EFCAB5: variants seen among roughly 807,000 people sequenced by gnomAD.
EFCAB5 encodes the protein EF-hand calcium-binding domain-containing protein 5.
EFCAB5 carries 131 observed loss-of-function variants against 167.9 expected under a neutral mutation model. That is an observed-to-expected ratio of 0.78 (90% CI 0.68 to 0.90). The LOEUF is 0.90. Among genes scored for constraint, EFCAB5 ranks in the 40% least tolerant of loss-of-function variants. The pLI is 0.00. For synonymous variants in EFCAB5, 574 were observed against 602.8 expected, an observed-to-expected ratio of 0.95 and a Z score of 0.70; for missense variants, 1,663 against 1,745.2, an observed-to-expected ratio of 0.95 and a Z score of 0.84.
chr17:29,972,957 A>C (rs1490127404), intron 4 of EFCAB5: 10 of 153,564 alleles, frequency 6.5e-5, no homozygotes, highest in African/African-American at 9.6e-5. Context: ...AACATCATTC[A>C]CACCAGCTAT....
At chr17:30,087,227 C>T in intron 19 of EFCAB5, 61 bp downstream of exon 19, 1 of 1,375,538 alleles carries the variant, frequency 7.3e-7, no homozygotes, top group Non-Finnish European at 1.0e-6. Context: ...CAATAGTAGA[C>T]CTGAAAGACA....
intron 7 of EFCAB5, among the ~76,000 whole-genome samples, chr17:30,028,143 G>A (rs1942411179): frequency 6.6e-6 from 1 of 152,154 alleles, no homozygotes; most frequent in Admixed American, 6.5e-5. Context: ...TTCTTGCTCA[G>A]TGGTGGTCCA....
chr17:30,070,949 CAAAAAAAAA>C (rs35019863), intron 14 of EFCAB5, among the ~76,000 whole-genome samples: 58 of 60,182 alleles, frequency 9.6e-4, no homozygotes, highest in South Asian at 4.3e-3. Flanking sequence ...GATTCCATCT[CAAAAAAAAA>C]AAAAAAAAAA....
At chr17:30,097,036 ACATATACATATACATATATATATATTTT>A (rs2071308767) in intron 22 of EFCAB5, among the ~76,000 whole-genome samples, 1 of 108,116 alleles carries the variant, frequency 9.2e-6, no homozygotes, top group African/African-American at 5.0e-5. Context: ...ATATACATAT[ACATATACATATACATATATATATATTTT>A]TTTTTTTTTG....
chr17:30,021,154 G>A (rs930325983), intron 7 of EFCAB5, among the ~76,000 whole-genome samples: 3 of 150,664 alleles, frequency 2.0e-5, no homozygotes, highest in Non-Finnish European at 4.4e-5. Flanking sequence ...TTTTTTACTA[G>A]GATGTGAGGA....
Position 30,067,995 on chromosome 17 carries a change from G to C in EFCAB5, c.2737+8294G>C, listed in dbSNP as rs542222226. Among the ~76,000 whole-genome samples, 6 of 152,268 alleles carry C rather than the reference G, an allele frequency of 3.9e-5. No individual in the cohort carries two copies. The South Asian group carries it at 1.2e-3, about 32-fold the overall frequency. ...ATAAACGAATTCAGTAAAGTTGCAG[G>C]ATACAAAATCAACATATAAAAATCA... is the stretch of plus-strand genomic sequence containing the variant. On this transcript the variant is annotated intron_variant, in intron 14 of 22. Coordinates refer to ENST00000394835, the MANE Select transcript of EFCAB5 (RefSeq NM_198529.4).
Position 30,059,533 on chromosome 17 carries a change from T to C in EFCAB5, c.2581-12T>C. On this transcript the variant is annotated splice_polypyrimidine_tract_variant and intron_variant, in intron 13 of 22. Transcript: ENST00000394835. ...ATATCTTCCGTGCTTTATTATCCTG[T>C]TTGTATCCTAGTTTAGCCAAAATGC... 2 of 1,596,928 alleles carry C rather than the reference T, an allele frequency of 1.3e-6. No individual in the cohort carries two copies. Among genetic ancestry groups the C allele is most frequent in the Non-Finnish European group, 1.7e-6 (2 of 1,171,572 alleles).
intron 8 of EFCAB5, among the ~76,000 whole-genome samples, chr17:30,037,779 A>G (rs1424505487): frequency 1.3e-5 from 2 of 152,210 alleles, no homozygotes; most frequent in Admixed American, 1.3e-4. Context: ...AAATTAAAAA[A>G]TACACATGCA....
chr17:30,051,768 A>T (rs909595008), intron 9 of EFCAB5, among the ~76,000 whole-genome samples: 14 of 152,114 alleles, frequency 9.2e-5, no homozygotes, highest in South Asian at 4.1e-4. Flanking sequence ...CCTGTTGCCA[A>T]GGATAGTCTC....
chr17:30,069,406 G>T, intron 14 of EFCAB5: 2 of 1,534,958 alleles, frequency 1.3e-6, no homozygotes, highest in Non-Finnish European at 9.0e-7. Context: ...AAGGGAGAGT[G>T]GTTGAGATTT....
chr17:30,040,060 T>A (rs2069728443), intron 8 of EFCAB5, among the ~76,000 whole-genome samples: 1 of 152,224 alleles, frequency 6.6e-6, no homozygotes, highest in Admixed American at 6.5e-5. Flanking sequence ...ACTGTTATGC[T>A]TGTGTGCACA....
intron 8 of EFCAB5, among the ~76,000 whole-genome samples, chr17:30,042,767 G>A (rs2069810041): frequency 6.6e-6 from 1 of 152,046 alleles, no homozygotes; most frequent in Non-Finnish European, 1.5e-5. Flanking sequence ...AGAAGAGGAA[G>A]GAACACTTCC....
At chr17:29,994,752 A>G (rs752044364) in intron 5 of EFCAB5, among the ~76,000 whole-genome samples, 2 of 152,098 alleles carry the variant, frequency 1.3e-5, no homozygotes, top group Admixed American at 6.6e-5. Context: ...CTCAAATACT[A>G]TCTTGGTGCA....
intron 14 of EFCAB5, among the ~76,000 whole-genome samples, chr17:30,071,388 G>T (rs961766625): frequency 6.7e-6 from 1 of 149,970 alleles, no homozygotes; most frequent in Non-Finnish European, 1.5e-5. Context: ...ATGGCCAACA[G>T]GTATTTGAAA....
chr17:29,951,103 C>G (rs1170978731), intron 3 of EFCAB5, among the ~76,000 whole-genome samples: 2 of 149,938 alleles, frequency 1.3e-5, no homozygotes, highest in African/African-American at 2.5e-5. Flanking sequence ...ATTATACTAC[C>G]CTCTTTACTT....
intron 22 of EFCAB5, among the ~76,000 whole-genome samples, chr17:30,099,356 A>G (rs1006647251): frequency 4.6e-5 from 7 of 152,144 alleles, no homozygotes; most frequent in Non-Finnish European, 1.0e-4. Context: ...AGCTGAGCCC[A>G]GTTAAGGCTG....
At chr17:30,040,227 CAGGTCAGCCCCCA>C (rs1035340166) in intron 8 of EFCAB5, among the ~76,000 whole-genome samples, 7 of 152,212 alleles carry the variant, frequency 4.6e-5, no homozygotes, top group African/African-American at 1.4e-4. Flanking sequence ...CAACATCCTG[CAGGTCAGCCCCCA>C]AGGGCCATCC....
chr17:29,937,298 T>A (rs889943187), upstream of EFCAB5, among the ~76,000 whole-genome samples: 1 of 152,130 alleles, frequency 6.6e-6, no homozygotes, highest in Non-Finnish European at 1.5e-5. Flanking sequence ...GTGATTCTCC[T>A]ACCTCAGCCT....
chr17:30,011,505 T>G (rs2068900824), intron 7 of EFCAB5, among the ~76,000 whole-genome samples: 1 of 152,222 alleles, frequency 6.6e-6, no homozygotes, highest in African/African-American at 2.4e-5. Context: ...TGGTTCTCCT[T>G]GAAGAGGTCC....
Sources: allele counts gnomAD v4.1 joint callset (sites outside exome capture counted in the v4.1 genomes callset), GRCh38; gene constraint gnomAD v4.1.1; transcripts MANE v1.5; gene names NCBI Gene and HGNC (gene_info 2026-07-23, HGNC 2026-07-21).